The following ABCC8 variants were observed in gnomAD, a reference collection of about 807,000 sequenced individuals.
ABCC8 encodes the protein ATP-binding cassette sub-family C member 8.
A neutral mutation model predicts 188.0 loss-of-function variants in ABCC8; 137 were observed. The ratio of observed to expected loss-of-function variants is 0.73; its 90% CI spans 0.63 to 0.84. The LOEUF (loss-of-function observed/expected upper bound fraction) is 0.84. ABCC8 is among the 40% of genes least tolerant of loss of function. ABCC8 has a pLI of 0.00. For synonymous variants in ABCC8, 797 were observed against 846.5 expected (o/e 0.94, Z 1.01); for missense variants, 1,750 against 2,072.7 (o/e 0.84, Z 3.02).
At chr11:17,393,615 A>G (rs1953743480) in intron 38 of ABCC8, 82 bp downstream of exon 38, 1 of 1,594,588 alleles carries the variant, frequency 6.3e-7, no homozygotes, top group Non-Finnish European at 8.6e-7. Context: ...AGGCAAGCCC[A>G]GGGGCTGTGC....
At chr11:17,450,252 C>CT (rs1413697829) in intron 7 of ABCC8, among the ~76,000 whole-genome samples, 14 of 52,436 alleles carry the variant, frequency 2.7e-4, no homozygotes, top group Non-Finnish European at 5.4e-4. Context: ...CTTTTTCTTT[C>CT]TTTCTTTCTC....
At chr11:17,468,906 G>C (rs546039268) in intron 3 of ABCC8, among the ~76,000 whole-genome samples, 1 of 152,132 alleles carries the variant, frequency 6.6e-6, no homozygotes, top group Admixed American at 6.5e-5. Context: ...TGGGACCCCA[G>C]TCCTGCAGTA....
chr11:17,450,226 C>G (rs1450572291), intron 7 of ABCC8, among the ~76,000 whole-genome samples: 1 of 144,734 alleles, frequency 6.9e-6, no homozygotes, highest in African/African-American at 2.7e-5. Flanking sequence ...TTTTTTCTCC[C>G]TAACTCCTTT....
In ABCC8 at chr11:17,428,379, A is replaced by G. The variant is rs772259601; in HGVS notation, c.1950T>C (p.Arg650=). ...GGCCCCGACAATCCTCCCGGGCTGG[A>G]CGCTTGCGGTTCACAACCCTGAGGG... The part of the protein sequence containing the change: ...AVPLRVVNRK[R]PAREDCRGLT... Residue 650 remains arginine (R), a synonymous_variant, in exon 14 of 39, where the codon CGT becomes CGC. Coordinates refer to ENST00000389817, the MANE Select transcript of ABCC8 (RefSeq NM_000352.6). 1 of 1,613,952 alleles carries G rather than the reference A, an allele frequency of 6.2e-7. No individual in the cohort carries two copies. The highest frequency in any genetic ancestry group is 1.1e-5 in the South Asian group (1 of 91,064).
chr11:17,393,226 G>A, intron 38 of ABCC8, 98 bp from the exon 39 acceptor site: 2 of 1,515,620 alleles, frequency 1.3e-6, no homozygotes, highest in Non-Finnish European at 1.8e-6. Context: ...GGAGGAGGAG[G>A]ATGAGGCATG....
intron 3 of ABCC8, among the ~76,000 whole-genome samples, chr11:17,468,043 G>T (rs1848268306): frequency 6.6e-6 from 1 of 152,138 alleles, no homozygotes; most frequent in Non-Finnish European, 1.5e-5. Flanking sequence ...TACAGACAAG[G>T]AGCTACTTCA....
chr11:17,396,775 G>A, intron 33 of ABCC8, 141 bp downstream of exon 33: 2 of 1,083,904 alleles, frequency 1.8e-6, no homozygotes, highest in Non-Finnish European at 2.7e-6. Flanking sequence ...CAGGCCCAGG[G>A]CAGGAGACTG....
chr11:17,450,685 CTTTT>C (rs71047553), intron 7 of ABCC8, among the ~76,000 whole-genome samples: 14 of 76,726 alleles, frequency 1.8e-4, no homozygotes, highest in African/African-American at 7.5e-4. Flanking sequence ...GCATGAGCCA[CTTTT>C]TTTTTTTTTT....
chr11:17,447,416 G>GT (rs1205956823), intron 8 of ABCC8, among the ~76,000 whole-genome samples: 1 of 152,130 alleles, frequency 6.6e-6, no homozygotes, highest in Non-Finnish European at 1.5e-5. Context: ...AAAATACCAT[G>GT]TTTTAACGTT....
chr11:17,406,578 A>G, intron 26 of ABCC8, 44 bp downstream of exon 26: 1 of 1,568,838 alleles, frequency 6.4e-7, no homozygotes. Context: ...CTCAGAGAAC[A>G]GTGACTTGCT....
intron 2 of ABCC8, among the ~76,000 whole-genome samples, chr11:17,473,490 A>G (rs964983754): frequency 6.6e-5 from 10 of 152,136 alleles, no homozygotes; most frequent in African/African-American, 2.2e-4. Context: ...ATCCAACTAC[A>G]GGAGCCAGGC....
chr11:17,415,920 C>T (rs1406403257), intron 17 of ABCC8, among the ~76,000 whole-genome samples: 1 of 152,228 alleles, frequency 6.6e-6, no homozygotes, highest in Admixed American at 6.5e-5. Context: ...ATGTCAGGTG[C>T]AGTGCCATGT....
intron 30 of ABCC8, 141 bp downstream of exon 30, chr11:17,398,198 A>G: frequency 6.1e-6 from 7 of 1,150,562 alleles, no homozygotes; most frequent in Non-Finnish European, 7.6e-6. Flanking sequence ...TAGGAGGACC[A>G]CCAGGGCTGG....
chr11:17,405,685 C>G, intron 26 of ABCC8, 122 bp from the exon 27 acceptor site: 2 of 1,556,676 alleles, frequency 1.3e-6, no homozygotes, highest in Non-Finnish European at 1.7e-6. Flanking sequence ...CTGGCATCCT[C>G]TGCCAATTTG....
chr11:17,442,813 CG>C lies in ABCC8; in HGVS notation c.1536del (p.Tyr512Ter). Reference protein sequence around the residue: ...MLRGIKLLKLYAWENIFRTRV... With the variant: ...MLRGIKLLKLXAWENIFRTRV... ...CGCGTGCGGAAGATGTTCTCCCAGG[CG>C]TACAGCTTCAGCAGCTTGATGCCGC... On this transcript the variant is annotated frameshift_variant, in exon 10 of 39. Coordinates refer to ENST00000389817, the MANE Select transcript of ABCC8 (RefSeq NM_000352.6). LOFTEE classifies it high-confidence loss of function. 6.2e-7 allele frequency: 1 copy of C among 1,614,082 alleles called. No homozygotes were observed. The highest frequency in any genetic ancestry group is 8.5e-7 in the Non-Finnish European group (1 of 1,180,032).
In ABCC8 at chr11:17,428,305, T is replaced by C; in HGVS notation, c.2024A>G (p.Asp675Gly). 1 of 1,614,152 alleles carries C rather than the reference T, an allele frequency of 6.2e-7. No individual in the cohort carries two copies. Among genetic ancestry groups the C allele is most frequent in the Non-Finnish European group, 8.5e-7 (1 of 1,180,028 alleles). ...SLVPSADGDA[D>G]NCCVQIMGGY... ...AGGACTCACCTGGACACAGCAGTTG[T>C]CAGCATCGCCATCTGCACTGGGGAC... The change falls in exon 14 of 39, where the codon GAC becomes GGC. Residue 675 changes from aspartate to glycine, a missense_variant. Physicochemically the swap from Asp to Gly is moderately conservative, Grantham distance 94 (BLOSUM62 -1). Transcript: ENST00000389817.
intron 3 of ABCC8, among the ~76,000 whole-genome samples, chr11:17,465,928 G>T (rs1352212541): frequency 6.6e-6 from 1 of 152,162 alleles, no homozygotes; most frequent in East Asian, 1.9e-4. Context: ...CATGTTCATA[G>T]CAGTGCTATT....
chr11:17,440,803 G>A (rs1192573445), intron 10 of ABCC8, among the ~76,000 whole-genome samples: 8 of 152,238 alleles, frequency 5.3e-5, no homozygotes, highest in Admixed American at 2.6e-4. Context: ...CCCATACTGT[G>A]AGAACACTGC....
chr11:17,443,405 G>A (rs1246763094), intron 8 of ABCC8, 93 bp from the exon 9 acceptor site: 3 of 1,601,854 alleles, frequency 1.9e-6, no homozygotes, highest in East Asian at 4.5e-5. Context: ...GTCCCCTAGA[G>A]TGGGACAAGC....
Sources: gnomAD v4.1 joint callset for allele counts (sites outside exome capture counted in the v4.1 genomes callset) on GRCh38, gnomAD v4.1.1 for gene constraint, MANE v1.5 for transcripts, NCBI Gene and HGNC (gene_info 2026-07-23, HGNC 2026-07-21) for gene names.